Variants in DOCK1 observed in about 807,000 individuals in gnomAD.
The protein encoded by DOCK1 is dedicator of cytokinesis 1.
A neutral mutation model predicts 262.7 loss-of-function variants in DOCK1; 138 were observed. The ratio of observed to expected loss-of-function variants is 0.53; its 90% CI spans 0.46 to 0.61. The LOEUF (loss-of-function observed/expected upper bound fraction) is 0.61, where lower values mean the gene tolerates loss of function less well. Ranked by LOEUF, DOCK1 falls within the 20% of genes least tolerant of loss-of-function variation. The probability of loss-of-function intolerance (pLI) is 0.00; values close to 1 mark genes in which losing one functional copy is unlikely to be tolerated. For synonymous variants in DOCK1, 866 were observed against 867.4 expected, an observed-to-expected ratio of 1.00 and a Z score of 0.03; for missense variants, 1,908 against 2,370.7, an observed-to-expected ratio of 0.80 and a Z score of 4.05.
chr10:127,063,752 TA>T (rs985299043), intron 23 of DOCK1, among the ~76,000 whole-genome samples: 7 of 152,332 alleles, frequency 4.6e-5, no homozygotes, highest in African/African-American at 1.7e-4. Context: ...CTTACATTAT[TA>T]AATTTGATTG....
intron 1 of DOCK1, among the ~76,000 whole-genome samples, chr10:126,941,056 A>G (rs950789383): frequency 6.6e-6 from 1 of 152,228 alleles, no homozygotes; most frequent in Admixed American, 6.5e-5. Context: ...ACAATATTTC[A>G]GGGACCTGCT....
intron 27 of DOCK1, among the ~76,000 whole-genome samples, chr10:127,244,452 T>C (rs965249464): frequency 6.6e-6 from 1 of 152,200 alleles, no homozygotes; most frequent in African/African-American, 2.4e-5. Context: ...TCAAGACTTT[T>C]CAAACCTATC....
chr10:127,177,753 G>A (rs2055313140), intron 27 of DOCK1, among the ~76,000 whole-genome samples: 2 of 152,228 alleles, frequency 1.3e-5, no homozygotes, highest in Non-Finnish European at 2.9e-5. Flanking sequence ...TATGACATGC[G>A]CAGCATGGCC....
chr10:127,412,637 G>A (rs2067927205), intron 43 of DOCK1, among the ~76,000 whole-genome samples: 1 of 152,210 alleles, frequency 6.6e-6, no homozygotes, highest in Admixed American at 6.5e-5. Flanking sequence ...CCAGAGCAAA[G>A]CTCGGAACCC....
chr10:127,293,910 C>T (rs1363678514), intron 29 of DOCK1, among the ~76,000 whole-genome samples: 1 of 152,252 alleles, frequency 6.6e-6, no homozygotes, highest in East Asian at 1.9e-4. Context: ...CCCCACCCAA[C>T]TCTCTGCCTC....
At chr10:127,402,973 T>C (rs1310668391) in intron 38 of DOCK1, 82 bp from the exon 39 acceptor site, 14 of 1,244,774 alleles carry the variant, frequency 1.1e-5, no homozygotes, top group Non-Finnish European at 1.5e-5. Flanking sequence ...CACTGTTTTA[T>C]TTTGAATGAT....
At chr10:127,281,436 G>A (rs912104002) in intron 29 of DOCK1, among the ~76,000 whole-genome samples, 8 of 152,206 alleles carry the variant, frequency 5.3e-5, no homozygotes, top group African/African-American at 1.7e-4. Context: ...TTGGGAATGG[G>A]ACCATTCTTG....
At chr10:127,196,274 G>A (rs994078397) in intron 27 of DOCK1, 3 of 148,992 alleles carry the variant, frequency 2.0e-5, no homozygotes, top group Admixed American at 6.7e-5. Flanking sequence ...CCCGCTTAGC[G>A]ACGCGCGCGG....
chr10:126,949,221 G>A (rs1337562150), intron 1 of DOCK1, among the ~76,000 whole-genome samples: 1 of 152,072 alleles, frequency 6.6e-6, no homozygotes, highest in Non-Finnish European at 1.5e-5. Context: ...GGGGACATGG[G>A]GTTAACACAC....
intron 50 of DOCK1, 134 bp downstream of exon 50, chr10:127,444,413 C>CCAGGGGACA: frequency 8.4e-7 from 1 of 1,185,230 alleles, no homozygotes; most frequent in Non-Finnish European, 1.1e-6. Context: ...CACCTGGCTC[C>CCAGGGGACA]CTGGGAGTGT....
chr10:127,274,281 TG>T (rs1184777065), intron 29 of DOCK1, among the ~76,000 whole-genome samples: 4 of 152,298 alleles, frequency 2.6e-5, no homozygotes, highest in Non-Finnish European at 2.9e-5. Context: ...AAGAGACTTT[TG>T]GGTGAAGAGG....
chr10:126,950,920 GTGGT>G (rs1369772759), intron 1 of DOCK1, among the ~76,000 whole-genome samples: 2 of 152,072 alleles, frequency 1.3e-5, no homozygotes, highest in Non-Finnish European at 2.9e-5. Context: ...GTTGATGATG[GTGGT>G]TGGTAGTATT....
intron 29 of DOCK1, among the ~76,000 whole-genome samples, chr10:127,334,084 T>C (rs1374170336): frequency 6.6e-6 from 1 of 152,210 alleles, no homozygotes; most frequent in African/African-American, 2.4e-5. Flanking sequence ...TGTATGTGTA[T>C]GGTATGCAGT....
intron 13 of DOCK1, among the ~76,000 whole-genome samples, chr10:127,021,628 G>A (rs920516252): frequency 2.0e-5 from 3 of 152,190 alleles, no homozygotes; most frequent in Non-Finnish European, 4.4e-5. Flanking sequence ...ACAAGTCTTG[G>A]TTGGGTGGCC....
At chr10:126,997,063 G>T (rs980732249) in intron 7 of DOCK1, among the ~76,000 whole-genome samples, 180 bp downstream of exon 7, 4 of 151,758 alleles carry the variant, frequency 2.6e-5, no homozygotes, top group Non-Finnish European at 5.9e-5. Flanking sequence ...TGTCACCCAT[G>T]ACATGAAAGG....
At chr10:127,352,274 G>A in intron 31 of DOCK1, among the ~76,000 whole-genome samples, 1 of 99,634 alleles carries the variant, frequency 1.0e-5, no homozygotes, top group Non-Finnish European at 2.1e-5. Context: ...GGAGGGGTGG[G>A]GAGGGGTGGG....
At position 127,409,323 on chromosome 10, in the gene DOCK1, C is replaced by T; in HGVS notation, c.4275C>T (p.Cys1425=). 6.2e-7 allele frequency: 1 copy of T among 1,613,962 alleles called. No homozygotes were observed. Among genetic ancestry groups the T allele is most frequent in the Non-Finnish European group, 8.5e-7 (1 of 1,179,866 alleles). ...ACCCCCTCACCTCAGATATTCAGTGCTTCACAGTGAAGCCCAAACTCGATC... is the reference window on the plus strand; with the variant it reads ...ACCCCCTCACCTCAGATATTCAGTGTTTCACAGTGAAGCCCAAACTCGATC... ...IKNSPGQYIQ[C]FTVKPKLDLP... is the part of the protein sequence containing the mutation. Residue 1425 remains cysteine, a synonymous_variant, in exon 42 of 52, where the codon TGC becomes TGT. Coordinates refer to ENST00000623213, the MANE Select transcript of DOCK1 (RefSeq NM_001290223.2).
rs1276415807 is a variant in DOCK1, at chr10:127,100,521, G to A, written c.2446-5710G>A. Among the ~76,000 whole-genome samples, 2 of 152,160 alleles carry A rather than the reference G, an allele frequency of 1.3e-5. No individual in the cohort carries two copies. The highest frequency in any genetic ancestry group is 2.9e-5 in the Non-Finnish European group (2 of 68,032). The stretch of plus-strand genomic sequence containing the variant: ...GGGTGGACCCCGGTGGGTGTGGGGT[G>A]TGGGTGTTGGGCTCAGGAGGAAGGG... On this transcript the variant is annotated intron_variant, in intron 23 of 51. Transcript: ENST00000623213. This position sits in a 1 kb window ranked among gnomAD's most constrained non-coding sequence, Gnocchi z 5.5.
At chr10:127,397,791 T>A (rs1388891402) in intron 38 of DOCK1, among the ~76,000 whole-genome samples, 1 of 151,464 alleles carries the variant, frequency 6.6e-6, no homozygotes, top group Non-Finnish European at 1.5e-5. Context: ...CAGTGACTCC[T>A]GTATGACACG....
Sources: gnomAD v4.1 joint callset for allele counts (sites outside exome capture counted in the v4.1 genomes callset) on GRCh38, gnomAD v4.1.1 for gene constraint, Gnocchi (gnomAD v3.1) non-coding constraint, MANE v1.5 for transcripts, NCBI Gene and HGNC (gene_info 2026-07-23, HGNC 2026-07-21) for gene names.